The following COQ10B variants were observed in gnomAD, a reference collection of about 807,000 sequenced individuals.
The protein encoded by COQ10B is coenzyme Q10B.
Under a neutral mutation model 27.6 loss-of-function variants are expected in COQ10B, and 12 were observed. That is an observed-to-expected ratio of 0.43 (90% confidence interval 0.28 to 0.70). The LOEUF is 0.70. Ranked by LOEUF, COQ10B falls within the 30% of genes least tolerant of loss-of-function variation. The pLI is 0.17. For missense variants in COQ10B, 278 were observed against 288.7 expected (o/e 0.96, Z 0.27); for synonymous variants, 115 against 103.0 (o/e 1.12, Z -0.71).
rs906848442 is a variant in COQ10B, at chr2:197,474,106, C to G, written c.*182C>G. On this transcript the variant is annotated 3_prime_UTR_variant, in exon 5 of 5. Coordinates refer to ENST00000263960, the MANE Select transcript of COQ10B (RefSeq NM_025147.5). ...TCACTTGTACATAGAATTATTTCTT[C>G]AAGTATAATTCAAAATAATATGGAC... The G allele has an allele frequency of 2.5e-5, 10 of 392,844 alleles. No individual in the cohort carries two copies. The highest frequency in any genetic ancestry group is 1.2e-4 in the African/African-American group (6 of 48,442). The allele number at this position is 392,844 out of a possible 1,614,324, so 24.3% of individuals were successfully genotyped here.
chr2:197,460,395 G>A (rs787991), intron 2 of COQ10B, among the ~76,000 whole-genome samples: 66,049 of 151,728 alleles, frequency 0.44, 14,761 homozygotes, highest in South Asian at 0.56. Context: ...GTTTCACTGT[G>A]TTGGCCAGGC....
chr2:197,463,982 T>C (rs2085793464), intron 3 of COQ10B, among the ~76,000 whole-genome samples: 1 of 81,882 alleles, frequency 1.2e-5, no homozygotes, highest in South Asian at 4.4e-4. Context: ...TATATATATA[T>C]ATATATATAT....
chr2:197,459,584 A>C (rs1216754903), intron 1 of COQ10B, among the ~76,000 whole-genome samples: 1 of 152,166 alleles, frequency 6.6e-6, no homozygotes, highest in African/African-American at 2.4e-5. Context: ...TCCAGCTAGG[A>C]AAACAACGTG....
chr2:197,469,779 C>A (rs2085860383), intron 3 of COQ10B, among the ~76,000 whole-genome samples: 1 of 152,052 alleles, frequency 6.6e-6, no homozygotes, highest in Admixed American at 6.6e-5. Flanking sequence ...CAAGAAGCTC[C>A]CTCTTTTGCT....
At chr2:197,470,740 C>A (rs927353570) in intron 4 of COQ10B, among the ~76,000 whole-genome samples, 1 of 152,088 alleles carries the variant, frequency 6.6e-6, no homozygotes, top group Non-Finnish European at 1.5e-5. Context: ...AGTAAAAATA[C>A]AAAAATTAGC....
rs142336477 is a variant in COQ10B, at chr2:197,462,564, G to A, written c.280G>A (p.Val94Ile). Residue 94 changes from valine to isoleucine, a missense_variant, in exon 3 of 5, where the codon GTA becomes ATA. Around this residue, in one of 3 missense-constraint regions of COQ10B, gnomAD observed 183 missense variants for 158.2 expected, o/e 1.16. Transcript: ENST00000263960. ...ATATTCAATGCAGGAAATGTATGATGTAGTATCGGGAGTGGAGGATTACAA... is the reference window on the plus strand; with the variant it reads ...ATATTCAATGCAGGAAATGTATGATATAGTATCGGGAGTGGAGGATTACAA... Reference protein sequence around the residue: ...LGYSMQEMYDVVSGVEDYKHF... With the variant: ...LGYSMQEMYDIVSGVEDYKHF... 2.5e-6 allele frequency: 4 copies of A among 1,583,778 alleles called. No homozygotes were observed. Among genetic ancestry groups the A allele is most frequent in the Non-Finnish European group, 3.4e-6 (4 of 1,161,124 alleles).
At chr2:197,462,463 A>T in intron 2 of COQ10B, 76 bp from the exon 3 acceptor site, 1 of 742,164 alleles carries the variant, frequency 1.3e-6, no homozygotes. Flanking sequence ...AGTTTTATAC[A>T]TATTCACTTT....
chr2:197,462,395 T>C (rs967747991), intron 2 of COQ10B, 144 bp from the exon 3 acceptor site: 14 of 519,150 alleles, frequency 2.7e-5, no homozygotes, highest in Admixed American at 4.2e-5. Flanking sequence ...TTTGAGGTCA[T>C]TGATTCCAGA....
intron 1 of COQ10B, chr2:197,454,096 C>T (rs554556100): frequency 6.4e-7 from 1 of 1,550,476 alleles, no homozygotes; most frequent in Admixed American, 2.0e-5. Context: ...TGGTCAGATG[C>T]GTTTTCCCAA....
At position 197,475,052 on chromosome 2, in the gene COQ10B, A is replaced by G. The variant is rs11070; in HGVS notation, c.*1128A>G. On this transcript the variant is annotated 3_prime_UTR_variant, in exon 5 of 5. Transcript: ENST00000263960. Reference sequence around the variant, plus strand: ...TTTCAGTAATGTGTTTCAAACTGGTATTTTTTAAAAAACAAATCAATGTAA... The same window carrying G: ...TTTCAGTAATGTGTTTCAAACTGGTGTTTTTTAAAAAACAAATCAATGTAA... 0.17 allele frequency: 25,990 copies of G among 152,202 alleles called. 2,346 individuals carry two copies. The highest frequency in any genetic ancestry group is 0.28 in the Middle Eastern group (83 of 294). The allele number at this position is 152,202 out of a possible 1,614,324, so 9.4% of individuals were successfully genotyped here. A position where few individuals can be genotyped will look rare whatever the true frequency, so the allele number is the denominator to read the frequency against.
At chr2:197,473,659 C>A in intron 4 of COQ10B, 98 bp from the exon 5 acceptor site, 1 of 866,812 alleles carries the variant, frequency 1.2e-6, no homozygotes, top group Non-Finnish European at 1.6e-6. Context: ...GCACTCCAAC[C>A]TGGGCAACAA....
At chr2:197,469,022 A>T (rs982714552) in intron 3 of COQ10B, among the ~76,000 whole-genome samples, 1 of 151,822 alleles carries the variant, frequency 6.6e-6, no homozygotes. Flanking sequence ...AAATTTTTTT[A>T]TTTTTTATTT....
chr2:197,453,961 C>G lies in COQ10B; in HGVS notation c.104+297C>G. 4 of 1,550,800 alleles carry G rather than the reference C, an allele frequency of 2.6e-6. No individual in the cohort carries two copies. The South Asian group carries it at 4.8e-5, about 18-fold the overall frequency. ...CTTTGGGCTCTTCCGGTCTCCTCCCCTATGGCTTGTTGCTACTGCTGTTGG... is the reference window on the plus strand; with the variant it reads ...CTTTGGGCTCTTCCGGTCTCCTCCCGTATGGCTTGTTGCTACTGCTGTTGG... On this transcript the variant is annotated intron_variant, in intron 1 of 4. Coordinates refer to ENST00000263960, the MANE Select transcript of COQ10B (RefSeq NM_025147.5).
In COQ10B at chr2:197,459,949, G is replaced by T. The variant is rs536087990; in HGVS notation, c.122G>T (p.Gly41Val). ...CTTTTCAGATATTTAGCTTCCTGTG[G>T]TATACTGATGAGCAGAACTCTTCCA... ...VRNGRYLASC[G>V]ILMSRTLPLH... The change falls in exon 2 of 5, where the codon GGT (glycine) becomes GTT (valine). Residue 41 changes from glycine (G) to valine (V), a missense_variant. By Grantham distance (109) the Gly-to-Val change is moderately radical. Around this residue, in one of 3 missense-constraint regions of COQ10B, gnomAD observed 183 missense variants for 158.2 expected, o/e 1.16. Transcript: ENST00000263960. 4 of 1,605,302 alleles carry T rather than the reference G, an allele frequency of 2.5e-6. No individual in the cohort carries two copies. The highest frequency in any genetic ancestry group is 1.3e-5 in the African/African-American group (1 of 74,306).
At position 197,470,158 on chromosome 2, in the gene COQ10B, C is replaced by T; in HGVS notation, c.536C>T (p.Thr179Ile). The T allele has an allele frequency of 6.2e-7, 1 of 1,606,178 alleles. No individual in the cohort carries two copies. Among genetic ancestry groups the T allele is most frequent in the Non-Finnish European group, 8.5e-7 (1 of 1,173,278 alleles). ...CTTCCTGGCTACCCAAGAACTTGTA[C>T]CTTGGATTTTTCAGTAAGTCTCATA... The part of the protein sequence containing the change: ...PGLPGYPRTC[T>I]LDFSISFEFR... Residue 179 changes from threonine to isoleucine, a missense_variant, in exon 4 of 5, where the codon ACC (threonine) becomes ATC (isoleucine). Physicochemically the swap from Thr to Ile is moderately conservative, Grantham distance 89. Coordinates refer to ENST00000263960, the MANE Select transcript of COQ10B (RefSeq NM_025147.5).
At chr2:197,464,865 G>T (rs2106052476) in intron 3 of COQ10B, among the ~76,000 whole-genome samples, 1 of 150,264 alleles carries the variant, frequency 6.7e-6, no homozygotes, top group South Asian at 2.1e-4. Context: ...CAGTCCCTTA[G>T]AACTTAAATC....
At chr2:197,455,794 T>C (rs2085691430) in intron 1 of COQ10B, among the ~76,000 whole-genome samples, 1 of 152,096 alleles carries the variant, frequency 6.6e-6, no homozygotes, top group Non-Finnish European at 1.5e-5. Context: ...ACCTTGTTTC[T>C]ACAAATAAGT....
intron 4 of COQ10B, among the ~76,000 whole-genome samples, chr2:197,472,800 CAAAAAAA>C (rs34942079): frequency 1.0e-5 from 1 of 96,072 alleles, no homozygotes; most frequent in African/African-American, 4.0e-5. Flanking sequence ...GGCTCCATCT[CAAAAAAA>C]AAAAAAAAAA....
At chr2:197,470,686 G>C (rs1469384884) in intron 4 of COQ10B, among the ~76,000 whole-genome samples, 1 of 152,206 alleles carries the variant, frequency 6.6e-6, no homozygotes, top group East Asian at 1.9e-4. Flanking sequence ...CCTGAGGTCA[G>C]GAGTTCGAGA....
Sources: gnomAD v4.1 joint callset for allele counts (sites outside exome capture counted in the v4.1 genomes callset) on GRCh38, gnomAD v4.1.1 for gene constraint, gnomAD v4.1.1 regional missense constraint, MANE v1.5 for transcripts, NCBI Gene and HGNC (gene_info 2026-07-23, HGNC 2026-07-21) for gene names.